NLGN1: variants seen among roughly 807,000 people sequenced by gnomAD.
NLGN1 encodes neuroligin 1.
NLGN1 carries 12 observed loss-of-function variants against 65.5 expected under a neutral mutation model. The ratio of observed to expected loss-of-function variants is 0.18; its 90% CI spans 0.12 to 0.30. The LOEUF is 0.30. Ranked by LOEUF, NLGN1 falls within the 10% of genes least tolerant of loss-of-function variation. NLGN1 has a pLI of 1.00. For synonymous variants in NLGN1, 350 were observed against 359.5 expected, an observed-to-expected ratio of 0.97 and a Z score of 0.30; for missense variants, 750 against 1,007.1, an observed-to-expected ratio of 0.74 and a Z score of 3.46.
At chr3:173,822,126 A>C (rs1360008924) in intron 4 of NLGN1, among the ~76,000 whole-genome samples, 1 of 152,186 alleles carries the variant, frequency 6.6e-6, no homozygotes, top group African/African-American at 2.4e-5. Flanking sequence ...GTGGGACTTT[A>C]TATGTTGGGG....
chr3:173,826,867 A>T (rs1721432264), intron 4 of NLGN1, among the ~76,000 whole-genome samples: 1 of 152,112 alleles, frequency 6.6e-6, no homozygotes, highest in Non-Finnish European at 1.5e-5. Context: ...GACTTAGCAG[A>T]AAAAGGTCTC....
At chr3:174,174,448 A>C (rs183048044) in intron 4 of NLGN1, among the ~76,000 whole-genome samples, 52 of 152,164 alleles carry the variant, frequency 3.4e-4, no homozygotes, top group Admixed American at 3.1e-3. Context: ...AGCAGTGTAG[A>C]AGTGTTCCCT....
chr3:173,651,323 T>C (rs977990507), intron 3 of NLGN1, among the ~76,000 whole-genome samples: 3 of 151,324 alleles, frequency 2.0e-5, no homozygotes, highest in African/African-American at 7.3e-5. Flanking sequence ...GTATATATAA[T>C]AAGTTGTTAT....
chr3:174,248,482 G>A (rs1202255004), intron 4 of NLGN1, among the ~76,000 whole-genome samples: 1 of 152,176 alleles, frequency 6.6e-6, no homozygotes, highest in Non-Finnish European at 1.5e-5. Flanking sequence ...TGTATAGGCT[G>A]GGCACGGTGG....
In NLGN1 at chr3:173,681,432, CT is replaced by C. The variant is rs1577922023; in HGVS notation, c.493+76342del. Among the ~76,000 whole-genome samples, 3 of 152,210 alleles carry C rather than the reference CT, an allele frequency of 2.0e-5. No homozygotes were observed. The East Asian group carries it at 5.8e-4, about 29-fold the overall frequency. ...AAATAATATATCTCTGTGGCTCAAG[CT>C]GTTATCAGTAATTGTAAGTAGGTAT... On this transcript the variant is annotated intron_variant, in intron 3 of 6. Coordinates refer to ENST00000457714, the Ensembl canonical transcript of NLGN1.
intron 4 of NLGN1, among the ~76,000 whole-genome samples, chr3:173,816,532 G>A (rs184356409): frequency 2.7e-4 from 41 of 152,316 alleles, no homozygotes; most frequent in East Asian, 9.6e-4. Context: ...TTAAATCAGC[G>A]AAATTATCTT....
intron 3 of NLGN1, among the ~76,000 whole-genome samples, chr3:173,793,928 T>C (rs11915223): frequency 0.81 from 123,762 of 151,998 alleles, 51,171 homozygotes; most frequent in Non-Finnish European, 0.87. Flanking sequence ...CAAAAATCCT[T>C]CAGCTGAAGG....
At chr3:173,576,852 C>T (rs1199823560) in intron 2 of NLGN1, among the ~76,000 whole-genome samples, 4 of 152,214 alleles carry the variant, frequency 2.6e-5, no homozygotes, top group East Asian at 3.9e-4. Flanking sequence ...TAATGCTATT[C>T]TTTCTTGATT....
intron 4 of NLGN1, among the ~76,000 whole-genome samples, chr3:173,876,475 C>A (rs1223382066): frequency 6.6e-6 from 1 of 151,976 alleles, no homozygotes; most frequent in Non-Finnish European, 1.5e-5. Context: ...AGACTAAATT[C>A]AACAATAATT....
intron 4 of NLGN1, among the ~76,000 whole-genome samples, chr3:173,840,058 C>T (rs1724496293): frequency 6.6e-6 from 1 of 152,142 alleles, no homozygotes; most frequent in Non-Finnish European, 1.5e-5. Context: ...GCAACATCGA[C>T]ATATTCAAGG....
intron 4 of NLGN1, among the ~76,000 whole-genome samples, chr3:173,853,421 T>A (rs1727357663): frequency 6.6e-6 from 1 of 152,110 alleles, no homozygotes; most frequent in Admixed American, 6.6e-5. Context: ...TAATAATAGA[T>A]TTGTCTTTCT....
At chr3:173,688,899 A>T (rs1765055028) in intron 3 of NLGN1, among the ~76,000 whole-genome samples, 1 of 152,206 alleles carries the variant, frequency 6.6e-6, no homozygotes, top group Non-Finnish European at 1.5e-5. Context: ...AGGGAGTTAC[A>T]TATGAGACTG....
chr3:173,853,625 T>C (rs1206957510), intron 4 of NLGN1, among the ~76,000 whole-genome samples: 2 of 152,134 alleles, frequency 1.3e-5, no homozygotes, highest in Admixed American at 1.3e-4. Flanking sequence ...GTATACTATT[T>C]CTTATGTGTG....
chr3:173,916,773 A>T (rs551967547), intron 4 of NLGN1, among the ~76,000 whole-genome samples: 1 of 152,304 alleles, frequency 6.6e-6, no homozygotes, highest in East Asian at 1.9e-4. Flanking sequence ...AGATACCCTA[A>T]TCTGAAGTTA....
intron 3 of NLGN1, among the ~76,000 whole-genome samples, chr3:173,740,724 C>G (rs374266615): frequency 6.6e-6 from 1 of 151,982 alleles, no homozygotes. Context: ...TTTGCTCACA[C>G]CATAGTTTAT....
At chr3:173,854,142 T>G (rs1480032355) in intron 4 of NLGN1, among the ~76,000 whole-genome samples, 1 of 152,042 alleles carries the variant, frequency 6.6e-6, no homozygotes, top group Non-Finnish European at 1.5e-5. Context: ...CAAGATACAC[T>G]TTTAATATGG....
chr3:174,126,978 GA>G (rs1719078853), intron 4 of NLGN1, among the ~76,000 whole-genome samples: 22 of 152,104 alleles, frequency 1.4e-4, no homozygotes, highest in Admixed American at 1.4e-3. Context: ...TGGTAAGATA[GA>G]TAGTTAGATA....
chr3:173,967,491 A>T (rs764397207), intron 4 of NLGN1, among the ~76,000 whole-genome samples: 1 of 152,362 alleles, frequency 6.6e-6, no homozygotes, highest in South Asian at 2.1e-4. Context: ...GTCAAAATCT[A>T]TCCCTTAGTG....
chr3:174,031,079 A>T (rs1345045887), intron 4 of NLGN1, among the ~76,000 whole-genome samples: 1 of 152,296 alleles, frequency 6.6e-6, no homozygotes, highest in East Asian at 1.9e-4. Context: ...TTCAGTGCCC[A>T]ATACTGGCAG....
Sources: gnomAD v4.1 joint callset for allele counts (sites outside exome capture counted in the v4.1 genomes callset) on GRCh38, gnomAD v4.1.1 for gene constraint, MANE v1.5 for transcripts, NCBI Gene and HGNC (gene_info 2026-07-23, HGNC 2026-07-21) for gene names.